HTR2C: variants seen among roughly 807,000 people sequenced by gnomAD.
The protein encoded by HTR2C is 5-hydroxytryptamine receptor 2C.
A neutral mutation model predicts 21.0 loss-of-function variants in HTR2C; 5 were observed. The observed-to-expected ratio is 0.24, with a 90% CI of 0.12 to 0.50. HTR2C has a LOEUF of 0.50. Among genes scored for constraint, HTR2C ranks in the 20% least tolerant of loss-of-function variants. The probability of loss-of-function intolerance (pLI) is 0.98; values close to 1 mark genes in which losing one functional copy is unlikely to be tolerated. For missense variants in HTR2C, 271 were observed against 371.2 expected (o/e 0.73, Z 2.22); for synonymous variants, 150 against 145.3 (o/e 1.03, Z -0.23).
chrX:114,599,663 A>G (rs1928006340), intron 1 of HTR2C, among the ~76,000 whole-genome samples: 1 of 112,087 alleles, frequency 8.9e-6, no homozygotes, highest in South Asian at 3.7e-4. Flanking sequence ...ATAGATTGAA[A>G]TCTGCTTACC....
intron 5 of HTR2C, among the ~76,000 whole-genome samples, chrX:114,877,132 G>A (rs2071144973): frequency 9.0e-6 from 1 of 110,510 alleles, no homozygotes; most frequent in Admixed American, 9.7e-5. Flanking sequence ...ACTCATTATT[G>A]GTATATTCAG....
At chrX:114,828,805 C>T (rs1277124120) in intron 4 of HTR2C, among the ~76,000 whole-genome samples, 1 of 111,811 alleles carries the variant, frequency 8.9e-6, no homozygotes, top group Admixed American at 9.5e-5. Flanking sequence ...CTGAATATTT[C>T]GTATAAATAA....
chrX:114,621,574 C>G (rs1299813463), intron 2 of HTR2C, among the ~76,000 whole-genome samples: 1 of 111,759 alleles, frequency 8.9e-6, no homozygotes, highest in African/African-American at 3.3e-5. Context: ...TATAAGATGC[C>G]GATCGATAAC....
At chrX:114,906,520 A>AT (rs1362137304) in intron 5 of HTR2C, 69 bp from the exon 6 acceptor site, 3 of 762,055 alleles carry the variant, frequency 3.9e-6, no homozygotes, top group African/African-American at 4.2e-5. Flanking sequence ...AAATTAATGT[A>AT]TGCCGTTGAA....
rs2069879487 is a variant in HTR2C, at chrX:114,761,969, G to GTATATATACGTGTATATATAC, written c.349+30372_349+30392dup. ...TATACGTGTATATATACATATATGT[G>GTATATATACGTGTATATATAC]TATATATACGTGTATATATACTATA... is the stretch of plus-strand genomic sequence containing the variant. On this transcript the variant is annotated intron_variant, in intron 4 of 5. Transcript: ENST00000276198. Among the ~76,000 whole-genome samples, 224 of 103,308 alleles carry GTATATATACGTGTATATATAC rather than the reference G, an allele frequency of 2.2e-3. 65 individuals carry two copies. The highest frequency in any genetic ancestry group is 3.6e-3 in the Non-Finnish European group (186 of 51,583). 89.7% of individuals were successfully genotyped at this position (103,308 alleles called of 115,157 possible).
chrX:114,794,013 T>C (rs920618346), intron 4 of HTR2C, among the ~76,000 whole-genome samples: 1 of 111,475 alleles, frequency 9.0e-6, no homozygotes, highest in African/African-American at 3.3e-5. Context: ...TTGTTAGTGA[T>C]GCCTGTACAA....
chrX:114,675,206 A>G (rs942821858), intron 2 of HTR2C, among the ~76,000 whole-genome samples: 1 of 112,136 alleles, frequency 8.9e-6, no homozygotes, highest in Non-Finnish European at 1.9e-5. Context: ...TACATCTTCA[A>G]TGAGCCAGGT....
At chrX:114,847,594 TA>T (rs5903437) in intron 4 of HTR2C, among the ~76,000 whole-genome samples, 60 of 101,807 alleles carry the variant, frequency 5.9e-4, no homozygotes, top group African/African-American at 2.0e-3. Context: ...TAATAATAAT[TA>T]AAAAAAAAAG....
intron 4 of HTR2C, among the ~76,000 whole-genome samples, chrX:114,844,018 C>T (rs782609854): frequency 5.4e-5 from 6 of 110,554 alleles, no homozygotes; most frequent in Admixed American, 9.7e-5. Flanking sequence ...AATGAAAGGA[C>T]GCCAAAAAGT....
intron 4 of HTR2C, among the ~76,000 whole-genome samples, chrX:114,757,936 G>A (rs1556430815): frequency 9.0e-6 from 1 of 110,725 alleles, no homozygotes; most frequent in African/African-American, 3.3e-5. Context: ...AGGTTAGGAG[G>A]AATAAAACCT....
chrX:114,906,380 A>G (rs1406652356), intron 5 of HTR2C, among the ~76,000 whole-genome samples: 4 of 111,812 alleles, frequency 3.6e-5, no homozygotes, highest in Middle Eastern at 4.6e-3. Flanking sequence ...GAATTTAGGG[A>G]GAAGGCATTC....
chrX:114,902,907 G>A (rs914511952), intron 5 of HTR2C, among the ~76,000 whole-genome samples: 9 of 112,014 alleles, frequency 8.0e-5, no homozygotes, highest in East Asian at 2.8e-4. Context: ...CACTGCACCC[G>A]GCCCACAGTT....
chrX:114,677,817 G>A (rs782013266), intron 2 of HTR2C, among the ~76,000 whole-genome samples: 16 of 110,911 alleles, frequency 1.4e-4, no homozygotes, highest in Non-Finnish European at 2.8e-4. Context: ...GCTCAGTCCC[G>A]TGTACCCAAG....
intron 2 of HTR2C, among the ~76,000 whole-genome samples, chrX:114,713,984 G>A (rs1556419472): frequency 9.0e-6 from 1 of 111,267 alleles, no homozygotes; most frequent in Non-Finnish European, 1.9e-5. Context: ...CTCTGAGAGG[G>A]TAAGTTGAAG....
chrX:114,756,721 G>T (rs782203767), intron 4 of HTR2C, among the ~76,000 whole-genome samples: 4 of 111,661 alleles, frequency 3.6e-5, no homozygotes, highest in Non-Finnish European at 7.5e-5. Context: ...AGGCCAACAG[G>T]ATAAATCCAA....
intron 2 of HTR2C, among the ~76,000 whole-genome samples, chrX:114,675,003 T>C (rs1207101985): frequency 8.9e-6 from 1 of 112,513 alleles, no homozygotes; most frequent in East Asian, 2.8e-4. Context: ...TTAATATGAT[T>C]AGAGCTAAAT....
chrX:114,713,709 G>A (rs1186743480), intron 2 of HTR2C, among the ~76,000 whole-genome samples: 1 of 111,417 alleles, frequency 9.0e-6, no homozygotes, highest in Non-Finnish European at 1.9e-5. Context: ...CTTGAAAAAC[G>A]TGAAGGAAAA....
At chrX:114,826,264 A>G (rs1262609689) in intron 4 of HTR2C, among the ~76,000 whole-genome samples, 9 of 109,652 alleles carry the variant, frequency 8.2e-5, no homozygotes, top group Non-Finnish European at 1.7e-4. Context: ...TAGAGACAGG[A>G]TCTCCCTATG....
Position 114,814,824 on chromosome X carries a change from C to G in HTR2C, c.350-33179C>G, listed in dbSNP as rs782617133. 2.6e-3 allele frequency among the ~76,000 whole-genome samples: 255 copies of G among 96,561 alleles called. 1 individual carries two copies. The highest frequency in any genetic ancestry group is 9.3e-3 in the African/African-American group (244 of 26,360). 83.9% of individuals were successfully genotyped at this position (96,561 alleles called of 115,157 possible). A position where few individuals can be genotyped will look rare whatever the true frequency, so the allele number is the denominator to read the frequency against. On this transcript the variant is annotated intron_variant, in intron 4 of 5. Coordinates refer to ENST00000276198, the MANE Select transcript of HTR2C (RefSeq NM_000868.4). Reference sequence around the variant, plus strand: ...ATAGTATATATCATATAGTATATATCATATATACTATAGAATATATATTAT... The same window carrying G: ...ATAGTATATATCATATAGTATATATGATATATACTATAGAATATATATTAT...
Sources: gnomAD v4.1 joint callset for allele counts (sites outside exome capture counted in the v4.1 genomes callset) on GRCh38, gnomAD v4.1.1 for gene constraint, MANE v1.5 for transcripts, NCBI Gene and HGNC (gene_info 2026-07-23, HGNC 2026-07-21) for gene names.